KAZN: variants seen among roughly 807,000 people sequenced by gnomAD.
The protein encoded by KAZN is kazrin, periplakin interacting protein.
In KAZN, 40 loss-of-function variants were observed where a neutral mutation model predicts 87.4. The ratio of observed to expected loss-of-function variants is 0.46; its 90% CI spans 0.36 to 0.60. KAZN has a LOEUF of 0.60. Among genes scored for constraint, KAZN ranks in the 20% least tolerant of loss-of-function variants. The probability of loss-of-function intolerance (pLI) is 0.00; values close to 1 mark genes in which losing one functional copy is unlikely to be tolerated. For missense variants in KAZN, 898 were observed against 1,073.9 expected (o/e 0.84, Z 2.29); for synonymous variants, 466 against 458.3 (o/e 1.02, Z -0.22).
chr1:14,373,198 AATATATATAT>A (rs58491688), intron 2 of KAZN, among the ~76,000 whole-genome samples: 13 of 149,260 alleles, frequency 8.7e-5, no homozygotes, highest in African/African-American at 3.2e-4. Context: ...TGAAAAACTG[AATATATATAT>A]ATATATATAT....
chr1:14,561,411 G>T (rs1674244472), intron 2 of KAZN, among the ~76,000 whole-genome samples: 1 of 152,170 alleles, frequency 6.6e-6, no homozygotes, highest in African/African-American at 2.4e-5. Flanking sequence ...AGAAAATGAT[G>T]ATTGAAAGGC....
At chr1:14,302,445 A>T (rs957748876) in intron 2 of KAZN, among the ~76,000 whole-genome samples, 12 of 152,244 alleles carry the variant, frequency 7.9e-5, no homozygotes, top group Admixed American at 2.0e-4. Flanking sequence ...ATACACATGG[A>T]ATCTCAAAGA....
intron 2 of KAZN, among the ~76,000 whole-genome samples, chr1:14,467,756 C>T (rs986200330): frequency 4.0e-5 from 6 of 151,486 alleles, no homozygotes; most frequent in African/African-American, 1.5e-4. Flanking sequence ...TGGGATTCAG[C>T]CTTACTCACC....
chr1:14,279,802 A>C (rs1016480587), intron 2 of KAZN, among the ~76,000 whole-genome samples: 1 of 152,204 alleles, frequency 6.6e-6, no homozygotes, highest in Non-Finnish European at 1.5e-5. Context: ...ACTGAGCAAG[A>C]TGAGCCTCAA....
At chr1:15,006,960 G>A (rs1573043630) in intron 2 of KAZN, among the ~76,000 whole-genome samples, 1 of 151,580 alleles carries the variant, frequency 6.6e-6, no homozygotes. Context: ...GGGAGGCTGA[G>A]GCAGGAGAAT....
intron 2 of KAZN, among the ~76,000 whole-genome samples, chr1:15,032,687 G>A (rs1671849016): frequency 6.6e-6 from 1 of 152,024 alleles, no homozygotes; most frequent in African/African-American, 2.4e-5. Flanking sequence ...TGTGGCTCAT[G>A]CCTGTAATCC....
At chr1:14,900,331 T>C (rs2101249561) in intron 1 of KAZN, among the ~76,000 whole-genome samples, 1 of 152,300 alleles carries the variant, frequency 6.6e-6, no homozygotes, top group East Asian at 1.9e-4. Context: ...GTGAGAGCCC[T>C]GGCTGTGCAG....
At chr1:14,565,488 T>C (rs546314700) in intron 2 of KAZN, among the ~76,000 whole-genome samples, 1 of 152,212 alleles carries the variant, frequency 6.6e-6, no homozygotes, top group Non-Finnish European at 1.5e-5. Flanking sequence ...TGATGGTGGC[T>C]GCTGGAGGTT....
chr1:14,788,755 TACTTGTACATGTGGGAGGTCACC>T (rs1645584905), intron 1 of KAZN, among the ~76,000 whole-genome samples: 1 of 152,106 alleles, frequency 6.6e-6, no homozygotes, highest in African/African-American at 2.4e-5. Context: ...ACCTTTAAGA[TACTTGTACATGTGGGAGGTCACC>T]ACTTGTACAC....
intron 2 of KAZN, among the ~76,000 whole-genome samples, chr1:14,392,628 A>G (rs1662549160): frequency 1.3e-5 from 2 of 151,912 alleles, no homozygotes; most frequent in Admixed American, 6.6e-5. Context: ...TGTCCTGTGC[A>G]TTGTCGGAGG....
intron 1 of KAZN, among the ~76,000 whole-genome samples, chr1:14,909,916 G>A (rs374728109): frequency 2.6e-5 from 4 of 152,250 alleles, no homozygotes; most frequent in South Asian, 2.1e-4. Flanking sequence ...AGCCAGGCAC[G>A]GTGGCGTGTG....
intron 1 of KAZN, among the ~76,000 whole-genome samples, chr1:14,087,656 T>A (rs72862503): frequency 4.0e-4 from 61 of 152,190 alleles, no homozygotes; most frequent in African/African-American, 1.4e-3. Flanking sequence ...GAGTTTTTTT[T>A]ATCAAGAGTG....
At chr1:15,100,001 A>C (rs11580059) in intron 10 of KAZN, among the ~76,000 whole-genome samples, 10,351 of 152,186 alleles carry the variant, frequency 0.068, 1,193 homozygotes, top group African/African-American at 0.23. Flanking sequence ...CAACTGAGCC[A>C]TTAAGTATGA....
At chr1:15,013,941 G>T (rs1351239006) in intron 2 of KAZN, among the ~76,000 whole-genome samples, 1 of 152,088 alleles carries the variant, frequency 6.6e-6, no homozygotes, top group African/African-American at 2.4e-5. Flanking sequence ...AGAAATCGTT[G>T]CTCTGCAGTT....
At chr1:14,729,081 T>C (rs1643556854) in intron 1 of KAZN, among the ~76,000 whole-genome samples, 2 of 152,180 alleles carry the variant, frequency 1.3e-5, no homozygotes, top group South Asian at 4.1e-4. Context: ...CTTGAGGCTT[T>C]CCTGCCCGTC....
rs149356999 is a variant in KAZN, at chr1:15,012,749, C to A, written c.419-22000C>A. Among the ~76,000 whole-genome samples the A allele has an allele frequency of 3.8e-3, 585 of 152,216 alleles. 22 individuals are homozygous for A. The East Asian group carries it at 0.08, about 21-fold the overall frequency. On this transcript the variant is annotated intron_variant, in intron 2 of 14. Coordinates refer to ENST00000376030, the MANE Select transcript of KAZN (RefSeq NM_201628.3). ...CCAACCTGTCCAACATGGCAAAACC[C>A]TGTCTCTACTAAAAATACAAAAATT...
chr1:14,182,793 T>A (rs74059727), intron 2 of KAZN, among the ~76,000 whole-genome samples: 4,090 of 152,304 alleles, frequency 0.027, 173 homozygotes, highest in African/African-American at 0.093. Flanking sequence ...AGACAAATGA[T>A]TGTACTCATT....
chr1:14,769,500 G>C lies in KAZN; in HGVS notation c.226+170277G>C, dbSNP rs10754870. The stretch of plus-strand genomic sequence containing the variant: ...CTCCTGAGTATCTGGGATTACAGGC[G>C]CCCACCACCACGCCCGGCTAATTTT... On this transcript the variant is annotated intron_variant, in intron 1 of 14. Coordinates refer to ENST00000376030, the MANE Select transcript of KAZN (RefSeq NM_201628.3). This position sits in a 1 kb window ranked among gnomAD's most constrained non-coding sequence, Gnocchi z 4.1. Among the ~76,000 whole-genome samples, 2 of 151,842 alleles carry C rather than the reference G, an allele frequency of 1.3e-5. No individual in the cohort carries two copies. The highest frequency in any genetic ancestry group is 4.8e-5 in the African/African-American group (2 of 41,326).
intron 1 of KAZN, among the ~76,000 whole-genome samples, chr1:14,787,584 G>A (rs1409340747): frequency 1.3e-5 from 2 of 152,228 alleles, no homozygotes; most frequent in Admixed American, 6.5e-5. Context: ...ATATTGGTAT[G>A]AGCTCAATTA....
Sources: gnomAD v4.1 joint callset for allele counts (sites outside exome capture counted in the v4.1 genomes callset) on GRCh38, gnomAD v4.1.1 for gene constraint, Gnocchi (gnomAD v3.1) non-coding constraint, MANE v1.5 for transcripts, NCBI Gene and HGNC (gene_info 2026-07-23, HGNC 2026-07-21) for gene names.